HTR7: variants seen among roughly 807,000 people sequenced by gnomAD.
HTR7 encodes 5-hydroxytryptamine receptor 7.
HTR7 carries 16 observed loss-of-function variants against 34.0 expected under a neutral mutation model. The ratio of observed to expected loss-of-function variants is 0.47; its 90% CI spans 0.32 to 0.71. The LOEUF is 0.71. Ranked by LOEUF, HTR7 falls within the 30% of genes least tolerant of loss-of-function variation. The pLI is 0.04. For synonymous variants in HTR7, 265 were observed against 260.2 expected (o/e 1.02, Z -0.18); for missense variants, 504 against 625.5 (o/e 0.81, Z 2.07).
intron 1 of HTR7, among the ~76,000 whole-genome samples, chr10:90,757,301 C>A (rs1027864469): frequency 6.6e-6 from 1 of 152,016 alleles, no homozygotes; most frequent in Non-Finnish European, 1.5e-5. Flanking sequence ...GAGAAGACAA[C>A]CTAAAGAAAA....
intron 3 of HTR7, 50 bp downstream of exon 3, chr10:90,743,543 C>T: frequency 7.2e-7 from 1 of 1,392,562 alleles, no homozygotes; most frequent in Non-Finnish European, 1.0e-6. Context: ...GTTCTGAATT[C>T]CTCCAGACCA....
chr10:90,818,797 T>C (rs531278839), intron 1 of HTR7, among the ~76,000 whole-genome samples: 44 of 152,276 alleles, frequency 2.9e-4, no homozygotes, highest in Admixed American at 1.0e-3. Flanking sequence ...TAATCCCCAG[T>C]GTTGGAGAAA....
At position 90,743,659 on chromosome 10, in the gene HTR7, G is replaced by A. The variant is rs778513206; in HGVS notation, c.1327C>T (p.Pro443Ser). 25 of 1,613,836 alleles carry A rather than the reference G, an allele frequency of 1.5e-5. No homozygotes were observed. The highest frequency in any genetic ancestry group is 2.1e-5 in the Non-Finnish European group (25 of 1,179,834). Residue 443 changes from proline (P) to serine (S), a missense_variant, in exon 3 of 4, where the codon CCA becomes TCA. By Grantham distance (74) the Pro-to-Ser change is moderately conservative. Coordinates refer to ENST00000336152, the MANE Select transcript of HTR7 (RefSeq NM_019859.4). ...RACTRRVLLR[P>S]EKRPPVSVWV... ...ACAGATACCGGTGGCCTCTTTTCTGGTCTCAACAGCACCCTCCTTGTGCAG... is the reference window on the plus strand; with the variant it reads ...ACAGATACCGGTGGCCTCTTTTCTGATCTCAACAGCACCCTCCTTGTGCAG...
Position 90,857,090 on chromosome 10 carries a change from C to G in HTR7, c.539+43G>C. On this transcript the variant is annotated intron_variant, in intron 1 of 3. Coordinates refer to ENST00000336152, the MANE Select transcript of HTR7 (RefSeq NM_019859.4). This position sits in a 1 kb window ranked among gnomAD's most constrained non-coding sequence, Gnocchi z 6.5. ...GAGCGCGCGGGGCTGAGCTGCCAGC[C>G]GGTCCCCAGCCGGAGCCTGGGACGG... is the stretch of plus-strand genomic sequence containing the variant. The G allele has an allele frequency of 6.7e-7, 1 of 1,485,462 alleles. No individual in the cohort carries two copies. Among genetic ancestry groups the G allele is most frequent in the East Asian group, 2.4e-5 (1 of 40,946 alleles). 92.0% of individuals were successfully genotyped at this position (1,485,462 alleles called of 1,614,324 possible). A position where few individuals can be genotyped will look rare whatever the true frequency, so the allele number is the denominator to read the frequency against.
At chr10:90,810,452 G>A (rs959443176) in intron 1 of HTR7, among the ~76,000 whole-genome samples, 3 of 152,128 alleles carry the variant, frequency 2.0e-5, no homozygotes, top group African/African-American at 7.2e-5. Flanking sequence ...ATTAAAGCCT[G>A]TTATCACTCG....
At position 90,843,024 on chromosome 10, in the gene HTR7, A is replaced by T. The variant is rs554173809; in HGVS notation, c.539+14109T>A. On this transcript the variant is annotated intron_variant, in intron 1 of 3. Transcript: ENST00000336152. ...AAACTTCTCCACTGCCACCAAGAGGAATGTCTTATAGGAAGCTGCAGAATA... is the reference window on the plus strand; with the variant it reads ...AAACTTCTCCACTGCCACCAAGAGGTATGTCTTATAGGAAGCTGCAGAATA... Among the ~76,000 whole-genome samples, 12 of 152,190 alleles carry T rather than the reference A, an allele frequency of 7.9e-5. 1 individual carries two copies. Among genetic ancestry groups the T allele is most frequent in the Non-Finnish European group, 1.8e-4 (12 of 68,000 alleles).
chr10:90,798,065 G>A (rs1165652664), intron 1 of HTR7, among the ~76,000 whole-genome samples: 2 of 152,098 alleles, frequency 1.3e-5, no homozygotes, highest in South Asian at 2.1e-4. Context: ...ACCTCTTAGT[G>A]GTCCCACCTC....
intron 1 of HTR7, among the ~76,000 whole-genome samples, chr10:90,752,600 G>A (rs1844757100): frequency 6.7e-6 from 1 of 149,918 alleles, no homozygotes; most frequent in East Asian, 2.0e-4. Flanking sequence ...AATAATGAAG[G>A]GATACTTATC....
chr10:90,819,983 T>G (rs1231156433), intron 1 of HTR7, among the ~76,000 whole-genome samples: 1 of 152,210 alleles, frequency 6.6e-6, no homozygotes, highest in Non-Finnish European at 1.5e-5. Context: ...GCTTAAATGC[T>G]CTTAAGTAAA....
rs1168359731 is a variant in HTR7, at chr10:90,741,196, A to G, written c.*1286T>C. The G allele has an allele frequency of 6.6e-6, 1 of 152,580 alleles. No homozygotes were observed. Among genetic ancestry groups the G allele is most frequent in the African/African-American group, 2.4e-5 (1 of 41,434 alleles). The allele number at this position is 152,580 out of a possible 1,614,324, so 9.5% of individuals were successfully genotyped here. A position where few individuals can be genotyped will look rare whatever the true frequency, so the allele number is the denominator to read the frequency against. On this transcript the variant is annotated 3_prime_UTR_variant, in exon 4 of 4. Transcript: ENST00000336152. The stretch of plus-strand genomic sequence containing the variant: ...TCAGTTCACTCTTATCAAATAAAGA[A>G]TTGCATTCATTTTTCCCCTTGTAGG...
At chr10:90,814,038 C>A (rs1845859145) in intron 1 of HTR7, among the ~76,000 whole-genome samples, 1 of 152,190 alleles carries the variant, frequency 6.6e-6, no homozygotes, top group Non-Finnish European at 1.5e-5. Flanking sequence ...CTTTCTCTTT[C>A]TTTAGCCTAT....
chr10:90,832,149 G>C (rs1846188790), intron 1 of HTR7, among the ~76,000 whole-genome samples: 1 of 152,242 alleles, frequency 6.6e-6, no homozygotes. Flanking sequence ...AGGTGGAGCT[G>C]TCTGCAAGTC....
Position 90,762,823 on chromosome 10 carries a change from A to G in HTR7, c.540-13229T>C, listed in dbSNP as rs75293306. On this transcript the variant is annotated intron_variant, in intron 1 of 3. Transcript: ENST00000336152. The stretch of plus-strand genomic sequence containing the variant: ...AGTTAATTTTTGGGAGTGGTGTAAG[A>G]TAAGGATTGGATTTCATTCTTTTAC... Among the ~76,000 whole-genome samples the G allele has an allele frequency of 3.0e-3, 450 of 152,316 alleles. 3 individuals carry two copies. The highest frequency in any genetic ancestry group is 0.01 in the African/African-American group (430 of 41,572).
chr10:90,747,971 A>C (rs184440415), intron 2 of HTR7, among the ~76,000 whole-genome samples: 30 of 152,276 alleles, frequency 2.0e-4, no homozygotes, highest in Admixed American at 1.9e-3. Context: ...AATTTTTAAC[A>C]TGTGGGTCAC....
At chr10:90,814,967 T>C (rs1845875464) in intron 1 of HTR7, among the ~76,000 whole-genome samples, 1 of 152,212 alleles carries the variant, frequency 6.6e-6, no homozygotes, top group African/African-American at 2.4e-5. Context: ...GTCCCTTGGC[T>C]CAACCTCCTG....
rs751300860 is a variant in HTR7 at position 90,749,628 on chromosome 10, C to G, written c.540-34G>C. 21 of 1,570,602 alleles carry G rather than the reference C, an allele frequency of 1.3e-5. No individual in the cohort carries two copies. On this transcript the variant is annotated intron_variant, in intron 1 of 3. Coordinates refer to ENST00000336152, the MANE Select transcript of HTR7 (RefSeq NM_019859.4). The surrounding 1 kb of genome is among the most constrained non-coding windows in gnomAD (Gnocchi z 4.2). ...GAGATGGAAAGATAACAGATGAACACCGTGATCATAACTGGTCAACCAAGC... is the reference window on the plus strand; with the variant it reads ...GAGATGGAAAGATAACAGATGAACAGCGTGATCATAACTGGTCAACCAAGC...
chr10:90,831,440 G>A lies in HTR7; in HGVS notation c.539+25693C>T, dbSNP rs141702657. Among the ~76,000 whole-genome samples, 570 of 152,180 alleles carry A rather than the reference G, an allele frequency of 3.7e-3. 5 individuals are homozygous for A. Among genetic ancestry groups the A allele is most frequent in the African/African-American group, 0.013 (530 of 41,506 alleles). On this transcript the variant is annotated intron_variant, in intron 1 of 3. Transcript: ENST00000336152. ...GGGTTCGTGGTCTCGGTGACTTCAGGAGTGAAGCTGCAAATCTTCGCTGTG... is the reference window on the plus strand; with the variant it reads ...GGGTTCGTGGTCTCGGTGACTTCAGAAGTGAAGCTGCAAATCTTCGCTGTG...
At chr10:90,849,673 C>G (rs1333301625) in intron 1 of HTR7, among the ~76,000 whole-genome samples, 1 of 152,136 alleles carries the variant, frequency 6.6e-6, no homozygotes, top group African/African-American at 2.4e-5. Flanking sequence ...AAATTTTAAG[C>G]AGGAAATTTA....
At chr10:90,781,128 C>A (rs1379849582) in intron 1 of HTR7, among the ~76,000 whole-genome samples, 1 of 152,192 alleles carries the variant, frequency 6.6e-6, no homozygotes, top group Non-Finnish European at 1.5e-5. Flanking sequence ...ATCCCCAATA[C>A]TGCTCTTAGA....
Sources: allele counts gnomAD v4.1 joint callset (sites outside exome capture counted in the v4.1 genomes callset), GRCh38; gene constraint gnomAD v4.1.1; non-coding constraint Gnocchi (gnomAD v3.1); transcripts MANE v1.5; gene names NCBI Gene and HGNC (gene_info 2026-07-23, HGNC 2026-07-21).